The following SCAF8 variants were observed in gnomAD, a reference collection of about 807,000 sequenced individuals.
SCAF8 encodes SR-related CTD associated factor 8, also known as SR-related and CTD-associated factor 8.
SCAF8 carries 23 observed loss-of-function variants against 140.5 expected under a neutral mutation model. The ratio of observed to expected loss-of-function variants is 0.16; its 90% CI spans 0.12 to 0.23. The LOEUF (loss-of-function observed/expected upper bound fraction) is 0.23. Among genes scored for constraint, SCAF8 ranks in the 10% least tolerant of loss-of-function variants. The probability of loss-of-function intolerance (pLI) is 1.00; values close to 1 mark genes in which losing one functional copy is unlikely to be tolerated. For synonymous variants in SCAF8, 575 were observed against 528.9 expected (o/e 1.09, Z -1.20); for missense variants, 1,397 against 1,555.7 (o/e 0.90, Z 1.72).
intron 1 of SCAF8, among the ~76,000 whole-genome samples, chr6:154,746,314 C>G (rs1778697914): frequency 6.6e-6 from 1 of 152,152 alleles, no homozygotes; most frequent in African/African-American, 2.4e-5. Flanking sequence ...GTCTTATTCT[C>G]TAGTGTAATA....
chr6:154,821,983 A>G (rs1388963385), intron 15 of SCAF8, among the ~76,000 whole-genome samples: 1 of 152,156 alleles, frequency 6.6e-6, no homozygotes, highest in Non-Finnish European at 1.5e-5. Flanking sequence ...AGTTCCTCTT[A>G]CATCAGCCAG....
At chr6:154,810,245 T>A in intron 12 of SCAF8, 37 bp downstream of exon 12, 1 of 1,439,442 alleles carries the variant, frequency 6.9e-7, no homozygotes, top group Non-Finnish European at 9.4e-7. Flanking sequence ...TGGTTTCAAT[T>A]AATATTTAAA....
intron 1 of SCAF8, among the ~76,000 whole-genome samples, chr6:154,758,900 T>G (rs1189768404): frequency 6.6e-6 from 1 of 152,214 alleles, no homozygotes; most frequent in Non-Finnish European, 1.5e-5. Flanking sequence ...TTTCCTAGTA[T>G]TCTGGCTGAA....
chr6:154,822,787 GTTTATTGAACAAATA>G, intron 16 of SCAF8, among the ~76,000 whole-genome samples: 1 of 152,144 alleles, frequency 6.6e-6, no homozygotes, highest in Non-Finnish European at 1.5e-5. Flanking sequence ...AAATATGTTT[GTTTATTGAACAAATA>G]TTTATTGAGT....
At chr6:154,740,909 G>A (rs996649226) in intron 1 of SCAF8, among the ~76,000 whole-genome samples, 8 of 152,072 alleles carry the variant, frequency 5.3e-5, no homozygotes, top group Admixed American at 3.3e-4. Context: ...ATGTGCCACC[G>A]TGCCTGGCCG....
intron 1 of SCAF8, among the ~76,000 whole-genome samples, chr6:154,740,064 C>T (rs1039717291): frequency 6.6e-5 from 10 of 152,084 alleles, no homozygotes; most frequent in Non-Finnish European, 1.2e-4. Context: ...AGAGGGAGTT[C>T]TGGTTAATTC....
chr6:154,736,559 A>G (rs1222453497), intron 1 of SCAF8, among the ~76,000 whole-genome samples: 2 of 152,212 alleles, frequency 1.3e-5, no homozygotes, highest in Non-Finnish European at 2.9e-5. Flanking sequence ...GGCGTGAGCC[A>G]CTGCGCCTGG....
chr6:154,808,429 T>C (rs1562457026), intron 10 of SCAF8, among the ~76,000 whole-genome samples: 3 of 151,446 alleles, frequency 2.0e-5, no homozygotes, highest in African/African-American at 2.4e-5. Context: ...TTGTAAACTT[T>C]CTTAAAACAA....
chr6:154,773,916 T>C, intron 1 of SCAF8, 73 bp from the exon 2 acceptor site: 1 of 937,086 alleles, frequency 1.1e-6, no homozygotes, highest in South Asian at 1.4e-5. Flanking sequence ...AATATAAAAA[T>C]GAACATGTTT....
chr6:154,820,435 C>A, intron 15 of SCAF8, 102 bp downstream of exon 15: 1 of 923,256 alleles, frequency 1.1e-6, no homozygotes, highest in Non-Finnish European at 1.6e-6. Context: ...ATCCTGGATT[C>A]ATCTCCCAAA....
chr6:154,745,255 T>C (rs573616925), intron 1 of SCAF8, among the ~76,000 whole-genome samples: 1 of 152,292 alleles, frequency 6.6e-6, no homozygotes, highest in South Asian at 2.1e-4. Context: ...CATGATTAGG[T>C]TTGGGTTCTA....
chr6:154,787,082 CG>C (rs1554260918), intron 3 of SCAF8, among the ~76,000 whole-genome samples: 1 of 152,182 alleles, frequency 6.6e-6, no homozygotes, highest in Non-Finnish European at 1.5e-5. Context: ...AGGCAGGGCA[CG>C]GTGGCTCGTG....
intron 12 of SCAF8, among the ~76,000 whole-genome samples, chr6:154,813,687 G>C (rs965524267): frequency 2.0e-5 from 3 of 152,122 alleles, no homozygotes; most frequent in African/African-American, 7.2e-5. Context: ...GACTTTTCAG[G>C]CCCTTTTAAA....
At chr6:154,819,131 T>A (rs1778340661) in intron 14 of SCAF8, among the ~76,000 whole-genome samples, 1 of 152,236 alleles carries the variant, frequency 6.6e-6, no homozygotes, top group Non-Finnish European at 1.5e-5. Context: ...TCAGTTTGAT[T>A]TCTGTTATTT....
chr6:154,749,116 A>C (rs900904343), intron 1 of SCAF8, among the ~76,000 whole-genome samples: 1 of 151,898 alleles, frequency 6.6e-6, no homozygotes, highest in Non-Finnish European at 1.5e-5. Context: ...CTAATTTTGT[A>C]TTTTTAGTAG....
intron 5 of SCAF8, among the ~76,000 whole-genome samples, chr6:154,793,454 A>C (rs561217069): frequency 1.3e-5 from 2 of 151,538 alleles, no homozygotes; most frequent in Non-Finnish European, 2.9e-5. Flanking sequence ...TTTATGAAAA[A>C]ATTTTTTTCA....
intron 1 of SCAF8, among the ~76,000 whole-genome samples, chr6:154,764,620 A>G (rs1020187379): frequency 3.9e-5 from 6 of 152,148 alleles, no homozygotes; most frequent in African/African-American, 1.4e-4. Context: ...TTTGGAAAAC[A>G]TGGCAGCAGG....
At chr6:154,784,063 T>C (rs2114863154) in intron 3 of SCAF8, among the ~76,000 whole-genome samples, 1 of 148,194 alleles carries the variant, frequency 6.7e-6, no homozygotes. Flanking sequence ...CGAGACTCCG[T>C]CTCAAAAAAA....
At chr6:154,819,682 C>T (rs1462184989) in intron 14 of SCAF8, among the ~76,000 whole-genome samples, 1 of 152,088 alleles carries the variant, frequency 6.6e-6, no homozygotes, top group Non-Finnish European at 1.5e-5. Flanking sequence ...TGGAACTGGA[C>T]TGCACTATTA....
Sources: gnomAD v4.1 joint callset for allele counts (sites outside exome capture counted in the v4.1 genomes callset) on GRCh38, gnomAD v4.1.1 for gene constraint, MANE v1.5 for transcripts, NCBI Gene and HGNC (gene_info 2026-07-23, HGNC 2026-07-21) for gene names.